Variants in MORC4 observed in about 807,000 individuals in gnomAD.
MORC4 encodes MORC family CW-type zinc finger protein 4.
A neutral mutation model predicts 65.5 loss-of-function variants in MORC4; 22 were observed. The observed-to-expected ratio is 0.34, with a 90% CI of 0.24 to 0.48. MORC4 has a LOEUF of 0.48. MORC4 is among the 20% of genes least tolerant of loss of function. MORC4 has a pLI of 0.99. For missense variants in MORC4, 624 were observed against 703.0 expected (o/e 0.89, Z 1.27); for synonymous variants, 267 against 255.8 (o/e 1.04, Z -0.42).
At position 106,942,871 on chromosome X, in the gene MORC4, A is replaced by G. The variant is rs1257013454; in HGVS notation, c.2020T>C (p.Ser674Pro). The G allele has an allele frequency of 8.3e-7, 1 of 1,211,763 alleles. No individual in the cohort carries two copies. The highest frequency in any genetic ancestry group is 3.0e-5 in the East Asian group (1 of 33,855). ...TTTATGGTTGTGCTACCTCTGTTAG[A>G]TTCTTCTGCCACCAATCTTGGCATC... ...DQMPRLVAEE[S>P]NRGSTTINKE... The change falls in exon 15 of 17, where the codon TCT becomes CCT. Residue 674 changes from serine (S) to proline (P), a missense_variant. Ser to Pro is a moderately conservative substitution (Grantham distance 74, BLOSUM62 -1). Coordinates refer to ENST00000355610, the MANE Select transcript of MORC4 (RefSeq NM_024657.5).
chrX:106,942,884 C>A lies in MORC4; in HGVS notation c.2007G>T (p.Leu669Phe), dbSNP rs1423952294. The A allele has an allele frequency of 1.7e-6, 2 of 1,209,910 alleles. No individual in the cohort carries two copies. Among genetic ancestry groups the A allele is most frequent in the African/African-American group, 1.7e-5 (1 of 57,256 alleles). ...TACCTCTGTTAGATTCTTCTGCCAC[C>A]AATCTTGGCATCTGATCTTCTAATT... The part of the protein sequence containing the change: ...PEELEDQMPR[L>F]VAEESNRGST... Residue 669 changes from leucine (L) to phenylalanine (F), a missense_variant, in exon 15 of 17, where the codon TTG (leucine) becomes TTT (phenylalanine). Physicochemically the swap from Leu to Phe is conservative, Grantham distance 22. Coordinates refer to ENST00000355610, the MANE Select transcript of MORC4 (RefSeq NM_024657.5).
At chrX:106,992,789 C>A (rs1935006355) in intron 3 of MORC4, among the ~76,000 whole-genome samples, 1 of 111,744 alleles carries the variant, frequency 8.9e-6, no homozygotes, top group Non-Finnish European at 1.9e-5. Context: ...GGTCTCGGAC[C>A]AGTGAAGGCC....
At chrX:106,957,673 CTATT>C in intron 11 of MORC4, among the ~76,000 whole-genome samples, 1 of 111,619 alleles carries the variant, frequency 9.0e-6, no homozygotes, top group Non-Finnish European at 1.9e-5. Context: ...ATGCCAGACA[CTATT>C]TAGATGTTGG....
Position 106,967,585 on chromosome X carries a change from T to C in MORC4, c.1158-5475A>G, listed in dbSNP as rs139339496. Among the ~76,000 whole-genome samples the C allele has an allele frequency of 1.9e-4, 21 of 112,068 alleles. No individual in the cohort carries two copies. The East Asian group carries it at 5.7e-3, about 30-fold the overall frequency. On this transcript the variant is annotated intron_variant, in intron 9 of 16. Coordinates refer to ENST00000355610, the MANE Select transcript of MORC4 (RefSeq NM_024657.5). ...AAACCTAGAAAAAAGGTTAGACGAA[T>C]GGCTAATTAGAACAACCAGTGTAGA... is the stretch of plus-strand genomic sequence containing the variant.
intron 9 of MORC4, among the ~76,000 whole-genome samples, chrX:106,963,283 C>T (rs1472968848): frequency 8.9e-6 from 1 of 112,024 alleles, no homozygotes; most frequent in Non-Finnish European, 1.9e-5. Flanking sequence ...ACTGCAGTAG[C>T]AAAAGCTGCA....
intron 7 of MORC4, among the ~76,000 whole-genome samples, chrX:106,978,977 T>C (rs1169010213): frequency 9.0e-6 from 1 of 111,731 alleles, no homozygotes; most frequent in Non-Finnish European, 1.9e-5. Flanking sequence ...TGAATAATGA[T>C]GAGTTTTTAA....
chrX:106,992,998 T>C, intron 3 of MORC4, among the ~76,000 whole-genome samples: 1 of 112,939 alleles, frequency 8.9e-6, no homozygotes. Context: ...CTTCTTATTA[T>C]GCTTATAGCT....
chrX:106,978,889 T>TA (rs1374610720), intron 7 of MORC4, among the ~76,000 whole-genome samples: 1 of 111,350 alleles, frequency 9.0e-6, no homozygotes, highest in Non-Finnish European at 1.9e-5. Context: ...AATAGTCCTG[T>TA]AGTGATATAT....
In MORC4 at chrX:106,993,331, C is replaced by A; in HGVS notation, c.207G>T (p.Arg69Ser). The change falls in exon 3 of 17, where the codon AGG (arginine) becomes AGT (serine). Residue 69 changes from arginine (R) to serine (S), a missense_variant. Coordinates refer to ENST00000355610, the MANE Select transcript of MORC4 (RefSeq NM_024657.5). ...CCTCCTCAACATCTATAAAGACCGTCCTGGCAGATACATCTGGATCTACAG... is the reference window on the plus strand; with the variant it reads ...CCTCCTCAACATCTATAAAGACCGTACTGGCAGATACATCTGGATCTACAG... Reference protein sequence around the residue: ...DNAVDPDVSARTVFIDVEEVK... With the variant: ...DNAVDPDVSASTVFIDVEEVK... 1 of 1,209,808 alleles carries A rather than the reference C, an allele frequency of 8.3e-7. No individual in the cohort carries two copies. The highest frequency in any genetic ancestry group is 1.7e-5 in the African/African-American group (1 of 57,817).
chrX:106,950,326 G>A (rs1241416739), intron 14 of MORC4, among the ~76,000 whole-genome samples: 1 of 111,768 alleles, frequency 8.9e-6, no homozygotes, highest in Non-Finnish European at 1.9e-5. Context: ...ATGCCCCTTA[G>A]TCACAGAATT....
Position 106,980,870 on chromosome X carries a change from G to C in MORC4, c.936+21C>G, listed in dbSNP as rs747051305. The C allele has an allele frequency of 4.2e-6, 5 of 1,193,328 alleles. No homozygotes were observed. In the Admixed American group the frequency reaches 1.1e-4, roughly 27 times the overall value. On this transcript the variant is annotated intron_variant, in intron 7 of 16. Coordinates refer to ENST00000355610, the MANE Select transcript of MORC4 (RefSeq NM_024657.5). ...GAAATAAAGAGGTCAACTTCATGTAGTGGTACACTTGTAAGGATACTGTGA... is the reference window on the plus strand; with the variant it reads ...GAAATAAAGAGGTCAACTTCATGTACTGGTACACTTGTAAGGATACTGTGA...
intron 15 of MORC4, 72 bp from the exon 16 acceptor site, chrX:106,942,293 T>A: frequency 9.2e-7 from 1 of 1,090,126 alleles, no homozygotes; most frequent in Non-Finnish European, 1.2e-6. Flanking sequence ...CATATGGTCA[T>A]CCTGTGATTC....
intron 13 of MORC4, among the ~76,000 whole-genome samples, chrX:106,955,369 G>A (rs1367100571): frequency 1.8e-5 from 2 of 109,612 alleles, no homozygotes; most frequent in Non-Finnish European, 3.8e-5. Context: ...CCTAATCACT[G>A]TCTAATTCTC....
At chrX:106,943,754 T>C (rs988929270) in intron 14 of MORC4, among the ~76,000 whole-genome samples, 1 of 112,613 alleles carries the variant, frequency 8.9e-6, no homozygotes, top group African/African-American at 3.2e-5. Flanking sequence ...CATAGTTCAC[T>C]TGTAAAAGTT....
intron 5 of MORC4, among the ~76,000 whole-genome samples, chrX:106,984,265 AAG>A (rs1365247962): frequency 9.2e-6 from 1 of 108,413 alleles, no homozygotes; most frequent in Non-Finnish European, 1.9e-5. Context: ...CAGCCTGGGC[AAG>A]AGAGACTCTG....
At chrX:106,991,545 T>G (rs913761482) in intron 3 of MORC4, among the ~76,000 whole-genome samples, 2 of 112,258 alleles carry the variant, frequency 1.8e-5, no homozygotes, top group Non-Finnish European at 3.8e-5. Flanking sequence ...TCAGATGTGC[T>G]GGGCCCACTA....
Position 106,967,852 on chromosome X carries a change from G to A in MORC4, c.1158-5742C>T, listed in dbSNP as rs192890477. Reference sequence around the variant, plus strand: ...AAATCCACGTTTGACTGGTGATCCTGAAAGTGACAGGAAAATGGAACCAAG... The same window carrying A: ...AAATCCACGTTTGACTGGTGATCCTAAAAGTGACAGGAAAATGGAACCAAG... On this transcript the variant is annotated intron_variant, in intron 9 of 16. Coordinates refer to ENST00000355610, the MANE Select transcript of MORC4 (RefSeq NM_024657.5). 1.7e-4 allele frequency among the ~76,000 whole-genome samples: 19 copies of A among 112,289 alleles called. No homozygotes were observed. In the Admixed American group the frequency reaches 1.8e-3, roughly 11 times the overall value.
At chrX:106,977,974 A>T (rs1286099417) in intron 8 of MORC4, 106 bp downstream of exon 8, 1 of 832,170 alleles carries the variant, frequency 1.2e-6, no homozygotes, top group Non-Finnish European at 1.7e-6. Flanking sequence ...AATAAGCATC[A>T]TAAGATGGGA....
chrX:106,956,360 C>A, intron 13 of MORC4, 120 bp downstream of exon 13: 1 of 648,828 alleles, frequency 1.5e-6, no homozygotes, highest in Non-Finnish European at 2.5e-6. Context: ...AAAAGAAGAC[C>A]ACCAGAAGAA....
Sources: gnomAD v4.1 joint callset for allele counts (sites outside exome capture counted in the v4.1 genomes callset) on GRCh38, gnomAD v4.1.1 for gene constraint, MANE v1.5 for transcripts, NCBI Gene and HGNC (gene_info 2026-07-23, HGNC 2026-07-21) for gene names.